The following DNAH17 variants were observed in gnomAD, a reference collection of about 807,000 sequenced individuals.
DNAH17 encodes dynein axonemal heavy chain 17.
In DNAH17, 376 loss-of-function variants were observed where a neutral mutation model predicts 485.6. The ratio of observed to expected loss-of-function variants is 0.77; its 90% CI spans 0.71 to 0.84. The LOEUF (loss-of-function observed/expected upper bound fraction) is 0.84. DNAH17 is among the 40% of genes least tolerant of loss of function. DNAH17 has a pLI of 0.00. For synonymous variants in DNAH17, 3,031 were observed against 2,405.9 expected, an observed-to-expected ratio of 1.26 and a Z score of -7.60; for missense variants, 6,370 against 5,839.3, an observed-to-expected ratio of 1.09 and a Z score of -2.96.
At chr17:78,548,789 G>A (rs959166112) in intron 16 of DNAH17, among the ~76,000 whole-genome samples, 8 of 152,234 alleles carry the variant, frequency 5.3e-5, no homozygotes, top group African/African-American at 1.7e-4. Context: ...AAGCTGGGGA[G>A]CTAGATGCTG....
rs567882508 is a variant in DNAH17 at position 78,437,430 on chromosome 17, A to T, written c.12033+211T>A. 2.6e-5 allele frequency among the ~76,000 whole-genome samples: 4 copies of T among 152,372 alleles called. No individual in the cohort carries two copies. In the South Asian group the frequency reaches 8.3e-4, roughly 32 times the overall value. ...TTCTGCATCTACAGCTTTAAGTAAT[A>T]AATAGTGCCAGAGCACCTTAAATTA... is the stretch of plus-strand genomic sequence containing the variant. On this transcript the variant is annotated intron_variant, in intron 74 of 80. Transcript: ENST00000389840.
At chr17:78,568,991 G>A (rs1014408521) in intron 9 of DNAH17, among the ~76,000 whole-genome samples, 175 bp downstream of exon 9, 1 of 152,090 alleles carries the variant, frequency 6.6e-6, no homozygotes, top group African/African-American at 2.4e-5. Context: ...TAACAGCTCT[G>A]GCCACGGCAG....
intron 44 of DNAH17, among the ~76,000 whole-genome samples, chr17:78,487,058 A>C (rs2089643919): frequency 1.3e-5 from 2 of 151,120 alleles, no homozygotes; most frequent in Admixed American, 1.3e-4. Flanking sequence ...TAAGAGTACA[A>C]ATCAATACAA....
At chr17:78,574,046 G>C (rs2092399186) in intron 2 of DNAH17, among the ~76,000 whole-genome samples, 1 of 152,082 alleles carries the variant, frequency 6.6e-6, no homozygotes, top group African/African-American at 2.4e-5. Flanking sequence ...AAACCTATCT[G>C]CCAGTACTCA....
In DNAH17 at chr17:78,532,463, G is replaced by T. The variant is rs1203210348; in HGVS notation, c.3114+19C>A. The stretch of plus-strand genomic sequence containing the variant: ...AGACTCTGGAGACAAGGAGGCTGGT[G>T]GGTGAGGTCTGCACGCACCTGCTCC... On this transcript the variant is annotated intron_variant, in intron 20 of 80. Coordinates refer to ENST00000389840, the MANE Select transcript of DNAH17 (RefSeq NM_173628.4). 1 of 1,591,150 alleles carries T rather than the reference G, an allele frequency of 6.3e-7. No individual in the cohort carries two copies. The highest frequency in any genetic ancestry group is 1.3e-5 in the African/African-American group (1 of 74,410).
chr17:78,444,708 G>C lies in DNAH17; in HGVS notation c.11424C>G (p.Ala3808=). The change falls in exon 71 of 81, where the codon GCC becomes GCG. Residue 3808 remains alanine (A), a synonymous_variant. Coordinates refer to ENST00000389840, the MANE Select transcript of DNAH17 (RefSeq NM_173628.4). The part of the protein sequence containing the change: ...KRWKKLVESE[A]PEKEIFPKEW... ...CCTTGGGGAAGATCTCCTTCTCGGG[G>C]GCTTCCGACTCCACCAGCTTTTTCC... The C allele has an allele frequency of 6.2e-7, 1 of 1,608,340 alleles. No individual in the cohort carries two copies. Among genetic ancestry groups the C allele is most frequent in the Middle Eastern group, 1.7e-4 (1 of 6,022 alleles).
Position 78,486,262 on chromosome 17 carries a change from A to G in DNAH17, c.7063T>C (p.Cys2355Arg), listed in dbSNP as rs1449829423. 6.2e-7 allele frequency: 1 copy of G among 1,600,730 alleles called. No homozygotes were observed. The highest frequency in any genetic ancestry group is 1.3e-5 in the African/African-American group (1 of 74,694). Reference sequence around the variant, plus strand: ...ATGGCGCCACCGAAGGCCCAGAAGCAGGTGAACACGAAGTACAGCTCGTAC... The same window carrying G: ...ATGGCGCCACCGAAGGCCCAGAAGCGGGTGAACACGAAGTACAGCTCGTAC... ...ELYELYFVFT[C>R]FWAFGGAMFQ... is the part of the protein sequence containing the mutation. The change falls in exon 45 of 81, where the codon TGC (cysteine) becomes CGC (arginine). Residue 2355 changes from cysteine to arginine, a missense_variant. Transcript: ENST00000389840.
chr17:78,480,591 C>T, intron 49 of DNAH17, 93 bp downstream of exon 49: 2 of 1,098,404 alleles, frequency 1.8e-6, no homozygotes, highest in Middle Eastern at 2.0e-4. Flanking sequence ...GCCTGCAGCC[C>T]TAACACCCTA....
rs60897530 is a variant in DNAH17 at position 78,570,856 on chromosome 17, C to CAAAAA, written c.918+87_918+91dup. 1,283 of 291,160 alleles carry CAAAAA rather than the reference C, an allele frequency of 4.4e-3. 7 individuals are homozygous for CAAAAA. Among genetic ancestry groups the CAAAAA allele is most frequent in the Middle Eastern group, 5.8e-3 (5 of 864 alleles). 18.0% of individuals were successfully genotyped at this position (291,160 alleles called of 1,614,324 possible). A position where few individuals can be genotyped will look rare whatever the true frequency, so the allele number is the denominator to read the frequency against. On this transcript the variant is annotated intron_variant, in intron 6 of 80. Transcript: ENST00000389840. The stretch of plus-strand genomic sequence containing the variant: ...CTGGTGACAGAGCGAGACTCCCTCT[C>CAAAAA]AAAAAAAAAAAAAAAAAAAAAAGAA...
In DNAH17 at chr17:78,542,339, G is replaced by A. The variant is rs2091618282; in HGVS notation, c.2532+1518C>T. On this transcript the variant is annotated intron_variant, in intron 17 of 80. Coordinates refer to ENST00000389840, the MANE Select transcript of DNAH17 (RefSeq NM_173628.4). ...ATTTTTGTATTTTTAGTAGAGACAG[G>A]GTTTCACCATGTTGGCCAGGCTGGT... Among the ~76,000 whole-genome samples, 4 of 151,924 alleles carry A rather than the reference G, an allele frequency of 2.6e-5. No individual in the cohort carries two copies. The South Asian group carries it at 6.2e-4, about 24-fold the overall frequency.
intron 20 of DNAH17, 124 bp downstream of exon 20, chr17:78,532,358 T>C: frequency 7.4e-7 from 1 of 1,351,302 alleles, no homozygotes; most frequent in Non-Finnish European, 9.9e-7. Context: ...CTCCTGATGT[T>C]TGCCTTGCCC....
intron 16 of DNAH17, among the ~76,000 whole-genome samples, chr17:78,550,310 C>A (rs1232582646): frequency 1.1e-4 from 1 of 9,426 alleles, no homozygotes; most frequent in Admixed American, 9.2e-4. Flanking sequence ...AGAGGACAGG[C>A]TCATGCAGGA....
chr17:78,551,005 G>C (rs2091889728), intron 16 of DNAH17, among the ~76,000 whole-genome samples: 1 of 152,120 alleles, frequency 6.6e-6, no homozygotes, highest in Admixed American at 6.5e-5. Context: ...GATCATTTGA[G>C]GTCAGGAGTT....
intron 78 of DNAH17, 24 bp from the exon 79 acceptor site, chr17:78,426,624 G>A (rs755933500): frequency 6.3e-6 from 10 of 1,578,254 alleles, no homozygotes; most frequent in Admixed American, 1.8e-5. Flanking sequence ...AGATGGGTGT[G>A]GGGAGCCCTG....
chr17:78,545,810 C>T (rs958207278), intron 16 of DNAH17, among the ~76,000 whole-genome samples: 10 of 152,170 alleles, frequency 6.6e-5, no homozygotes, highest in African/African-American at 2.2e-4. Flanking sequence ...ATTGGGAACA[C>T]AACATTTTAG....
At chr17:78,558,393 G>T (rs2092074534) in intron 13 of DNAH17, 139 bp from the exon 14 acceptor site, 2 of 1,072,666 alleles carry the variant, frequency 1.9e-6, no homozygotes, top group Non-Finnish European at 2.6e-6. Flanking sequence ...GGCAGTATTT[G>T]TTGGCAGGAC....
intron 69 of DNAH17, among the ~76,000 whole-genome samples, chr17:78,446,253 G>A (rs375670013): frequency 4.9e-5 from 7 of 142,834 alleles, no homozygotes; most frequent in East Asian, 2.0e-4. Flanking sequence ...CACATGATTC[G>A]CAGCATCGTG....
At chr17:78,543,436 G>A (rs532043095) in intron 17 of DNAH17, among the ~76,000 whole-genome samples, 52 of 152,166 alleles carry the variant, frequency 3.4e-4, no homozygotes, top group Non-Finnish European at 6.2e-4. Flanking sequence ...GACTACAAGC[G>A]CCCGCCACCG....
chr17:78,447,454 C>T (rs2087357361), intron 69 of DNAH17, among the ~76,000 whole-genome samples: 1 of 152,168 alleles, frequency 6.6e-6, no homozygotes, highest in Non-Finnish European at 1.5e-5. Context: ...TAACCTGGCA[C>T]CCTCTGTCTC....
Sources: gnomAD v4.1 joint callset for allele counts (sites outside exome capture counted in the v4.1 genomes callset) on GRCh38, gnomAD v4.1.1 for gene constraint, MANE v1.5 for transcripts, NCBI Gene and HGNC (gene_info 2026-07-23, HGNC 2026-07-21) for gene names.